The following AUTS2 variants were observed in gnomAD, a reference collection of about 807,000 sequenced individuals.
AUTS2 encodes the protein autism susceptibility gene 2 protein.
Under a neutral mutation model 112.4 loss-of-function variants are expected in AUTS2, and 17 were observed. The ratio of observed to expected loss-of-function variants is 0.15; its 90% CI spans 0.10 to 0.23. The LOEUF (loss-of-function observed/expected upper bound fraction) is 0.23. Ranked by LOEUF, AUTS2 falls within the 10% of genes least tolerant of loss-of-function variation. AUTS2 has a pLI of 1.00. For synonymous variants in AUTS2, 751 were observed against 702.7 expected, an observed-to-expected ratio of 1.07 and a Z score of -1.09; for missense variants, 1,510 against 1,701.6, an observed-to-expected ratio of 0.89 and a Z score of 1.98.
At chr7:69,785,981 C>T (rs1789354428) in intron 1 of AUTS2, among the ~76,000 whole-genome samples, 1 of 152,188 alleles carries the variant, frequency 6.6e-6, no homozygotes, top group South Asian at 2.1e-4. Flanking sequence ...CAGGTGCCCG[C>T]CACCACGCCC....
chr7:70,324,505 G>C (rs989601256), intron 4 of AUTS2, among the ~76,000 whole-genome samples: 1 of 151,936 alleles, frequency 6.6e-6, no homozygotes, highest in Non-Finnish European at 1.5e-5. Context: ...TGCATCTGTG[G>C]TCCCAACCAC....
At chr7:70,480,951 C>G (rs533246132) in intron 5 of AUTS2, among the ~76,000 whole-genome samples, 1 of 152,074 alleles carries the variant, frequency 6.6e-6, no homozygotes, top group East Asian at 1.9e-4. Context: ...AGGAAAGATA[C>G]GGAGGTGAGC....
chr7:70,242,906 A>G (rs920939517), intron 4 of AUTS2, among the ~76,000 whole-genome samples: 13 of 152,186 alleles, frequency 8.5e-5, no homozygotes, highest in African/African-American at 3.1e-4. Context: ...TATGGAAATT[A>G]CCCTTGTTTC....
chr7:70,195,014 C>T (rs1483256496), intron 4 of AUTS2, among the ~76,000 whole-genome samples: 1 of 152,160 alleles, frequency 6.6e-6, no homozygotes, highest in Non-Finnish European at 1.5e-5. Flanking sequence ...CTCAATATTT[C>T]TACCTTTTCT....
At chr7:70,057,165 A>G (rs546500025) in intron 2 of AUTS2, among the ~76,000 whole-genome samples, 3 of 152,172 alleles carry the variant, frequency 2.0e-5, no homozygotes, top group South Asian at 4.1e-4. Context: ...CTGCTCATCT[A>G]CCATAGTTTA....
chr7:70,287,862 G>A (rs991399333), intron 4 of AUTS2, among the ~76,000 whole-genome samples: 8 of 151,752 alleles, frequency 5.3e-5, no homozygotes, highest in Non-Finnish European at 7.4e-5. Flanking sequence ...GTTATGAAAT[G>A]AGAATTTTGA....
intron 2 of AUTS2, among the ~76,000 whole-genome samples, chr7:70,107,585 G>T (rs532845430): frequency 6.7e-6 from 1 of 149,112 alleles, no homozygotes; most frequent in African/African-American, 2.5e-5. Flanking sequence ...CTCGTGATCC[G>T]CCCATCTCGG....
At chr7:70,319,820 TAGTCGG>T (rs1232408802) in intron 4 of AUTS2, among the ~76,000 whole-genome samples, 1 of 152,130 alleles carries the variant, frequency 6.6e-6, no homozygotes, top group African/African-American at 2.4e-5. Context: ...TTCTTCCATC[TAGTCGG>T]AGTAGCTGGC....
chr7:70,419,772 A>C (rs952144010), intron 4 of AUTS2, among the ~76,000 whole-genome samples: 3 of 152,178 alleles, frequency 2.0e-5, no homozygotes, highest in African/African-American at 7.2e-5. Context: ...CCTTGCCAAC[A>C]CTGCATATCA....
At chr7:70,510,682 C>T (rs1015663277) in intron 5 of AUTS2, among the ~76,000 whole-genome samples, 13 of 151,832 alleles carry the variant, frequency 8.6e-5, no homozygotes, top group Admixed American at 7.9e-4. Flanking sequence ...ATCTTCTATA[C>T]CAGACATTAA....
intron 1 of AUTS2, among the ~76,000 whole-genome samples, chr7:69,761,456 G>A (rs1237152865): frequency 6.6e-6 from 1 of 152,134 alleles, no homozygotes; most frequent in Non-Finnish European, 1.5e-5. Context: ...GAGTTAGAAT[G>A]CCTTTCCTGG....
At chr7:70,629,195 G>T (rs1173331549) in intron 5 of AUTS2, among the ~76,000 whole-genome samples, 1 of 152,208 alleles carries the variant, frequency 6.6e-6, no homozygotes, top group Non-Finnish European at 1.5e-5. Flanking sequence ...GCTAGGCCAG[G>T]CATGGTGGCT....
At chr7:69,668,777 A>G (rs1456132640) in intron 1 of AUTS2, among the ~76,000 whole-genome samples, 1 of 152,242 alleles carries the variant, frequency 6.6e-6, no homozygotes, top group Admixed American at 6.5e-5. Flanking sequence ...ATTGGATACA[A>G]GTACATTCCT....
At chr7:70,570,876 C>T (rs1801909376) in intron 5 of AUTS2, among the ~76,000 whole-genome samples, 1 of 149,290 alleles carries the variant, frequency 6.7e-6, no homozygotes, top group African/African-American at 2.5e-5. Context: ...AGGCCCTTGA[C>T]AATATGTCTG....
At chr7:70,488,120 A>G (rs1371693797) in intron 5 of AUTS2, among the ~76,000 whole-genome samples, 1 of 152,212 alleles carries the variant, frequency 6.6e-6, no homozygotes, top group Non-Finnish European at 1.5e-5. Context: ...ACAGGCAGCC[A>G]TTGTGCAAGG....
intron 6 of AUTS2, among the ~76,000 whole-genome samples, chr7:70,734,033 A>G (rs1409488225): frequency 6.6e-6 from 1 of 150,834 alleles, no homozygotes; most frequent in Non-Finnish European, 1.5e-5. Context: ...ATCCCTTTGA[A>G]CCCCGGCAAC....
At chr7:69,641,735 G>A (rs190269209) in intron 1 of AUTS2, among the ~76,000 whole-genome samples, 16 of 152,280 alleles carry the variant, frequency 1.1e-4, no homozygotes, top group Non-Finnish European at 1.9e-4. Context: ...TCTGCATCAT[G>A]AAGTATTCTT....
intron 4 of AUTS2, among the ~76,000 whole-genome samples, chr7:70,416,505 G>A (rs1051628461): frequency 6.6e-6 from 1 of 152,176 alleles, no homozygotes; most frequent in African/African-American, 2.4e-5. Flanking sequence ...TTGGCTTGTG[G>A]CACCTGGCCA....
chr7:70,399,267 G>A (rs902388991), intron 4 of AUTS2, among the ~76,000 whole-genome samples: 8 of 152,008 alleles, frequency 5.3e-5, no homozygotes, highest in African/African-American at 1.9e-4. Context: ...TGGGATTATA[G>A]GCATGAGCCA....
Sources: gnomAD v4.1 joint callset for allele counts (sites outside exome capture counted in the v4.1 genomes callset) on GRCh38, gnomAD v4.1.1 for gene constraint, MANE v1.5 for transcripts, NCBI Gene and HGNC (gene_info 2026-07-23, HGNC 2026-07-21) for gene names.